The following DACH2 variants were observed in gnomAD, a reference collection of about 807,000 sequenced individuals.
DACH2 encodes dachshund homolog 2.
In DACH2, 17 loss-of-function variants were observed where a neutral mutation model predicts 35.8. The ratio of observed to expected loss-of-function variants is 0.48; its 90% CI spans 0.33 to 0.71. DACH2 has a LOEUF of 0.71. Ranked by LOEUF, DACH2 falls within the 30% of genes least tolerant of loss-of-function variation. The probability of loss-of-function intolerance (pLI) is 0.02; values close to 1 mark genes in which losing one functional copy is unlikely to be tolerated. For synonymous variants in DACH2, 195 were observed against 177.3 expected (o/e 1.10, Z -0.79); for missense variants, 469 against 472.7 (o/e 0.99, Z 0.07).
chrX:86,814,902 A>G (rs2042431026), intron 10 of DACH2, 68 bp downstream of exon 10: 4 of 1,050,042 alleles, frequency 3.8e-6, no homozygotes, highest in Admixed American at 5.6e-5. Context: ...AAAATAGAAG[A>G]AGGAATAAAA....
chrX:86,290,929 C>A (rs2034274855), intron 1 of DACH2, among the ~76,000 whole-genome samples: 1 of 109,539 alleles, frequency 9.1e-6, no homozygotes, highest in Non-Finnish European at 1.9e-5. Context: ...TCCACATGAA[C>A]TTTAAAGTAG....
chrX:86,340,155 A>G (rs1480421412), intron 1 of DACH2, among the ~76,000 whole-genome samples: 2 of 111,489 alleles, frequency 1.8e-5, no homozygotes, highest in African/African-American at 3.3e-5. Context: ...ACCTTGTTTT[A>G]TTGTGCCTTA....
At chrX:86,689,150 A>G (rs2040981592) in intron 4 of DACH2, among the ~76,000 whole-genome samples, 1 of 111,971 alleles carries the variant, frequency 8.9e-6, no homozygotes, top group Non-Finnish European at 1.9e-5. Context: ...ATATTTTAAA[A>G]TGAATAATTA....
At chrX:86,417,609 C>G (rs2036730046) in intron 2 of DACH2, among the ~76,000 whole-genome samples, 1 of 111,272 alleles carries the variant, frequency 9.0e-6, no homozygotes, top group South Asian at 3.8e-4. Context: ...GACCCACCCC[C>G]ATAATTCAGT....
At chrX:86,186,277 G>T (rs975358317) in intron 1 of DACH2, among the ~76,000 whole-genome samples, 1 of 112,509 alleles carries the variant, frequency 8.9e-6, no homozygotes, top group Non-Finnish European at 1.9e-5. Flanking sequence ...GGGTATAAAC[G>T]TTTGCATTTC....
intron 7 of DACH2, among the ~76,000 whole-genome samples, chrX:86,794,633 T>C (rs192734343): frequency 2.7e-5 from 3 of 111,845 alleles, no homozygotes; most frequent in Admixed American, 1.9e-4. Context: ...TTTAAAAAGC[T>C]ACAAGGTATC....
At chrX:86,312,236 T>G (rs1025264655) in intron 1 of DACH2, among the ~76,000 whole-genome samples, 1 of 112,484 alleles carries the variant, frequency 8.9e-6, no homozygotes, top group Non-Finnish European at 1.9e-5. Flanking sequence ...TTTTTTCCTT[T>G]TCCTTTATCA....
At chrX:86,572,298 C>T (rs1253805509) in intron 3 of DACH2, among the ~76,000 whole-genome samples, 3 of 106,233 alleles carry the variant, frequency 2.8e-5, no homozygotes, top group South Asian at 4.4e-4. Flanking sequence ...TATTCTGTTA[C>T]CATTAAAGGA....
intron 4 of DACH2, among the ~76,000 whole-genome samples, chrX:86,686,823 A>G (rs755538640): frequency 1.8e-5 from 2 of 112,011 alleles, no homozygotes; most frequent in East Asian, 5.7e-4. Flanking sequence ...ATCACTTGTG[A>G]TACAATTCCT....
Position 86,358,515 on chromosome X carries a change from G to A in DACH2, c.489-18309G>A, listed in dbSNP as rs2035682020. ...GAGAGCTGGGCAGCAATTATGGAGT[G>A]ATGGCAATGCCCCTACAAGCCCTGC... On this transcript the variant is annotated intron_variant, in intron 1 of 11. Transcript: ENST00000373125. Among the ~76,000 whole-genome samples the A allele has an allele frequency of 4.6e-5, 5 of 107,529 alleles. 1 individual carries two copies. Among genetic ancestry groups the A allele is most frequent in the Middle Eastern group, 4.7e-3 (1 of 212 alleles). The allele number at this position is 107,529 out of a possible 115,157, so 93.4% of individuals were successfully genotyped here. A position where few individuals can be genotyped will look rare whatever the true frequency, so the allele number is the denominator to read the frequency against.
At chrX:86,467,261 C>T (rs920329212) in intron 2 of DACH2, among the ~76,000 whole-genome samples, 1 of 111,331 alleles carries the variant, frequency 9.0e-6, no homozygotes, top group African/African-American at 3.3e-5. Flanking sequence ...TAAATAATCT[C>T]TCTCAAGTTC....
chrX:86,815,296 G>T (rs1209146362), intron 10 of DACH2, among the ~76,000 whole-genome samples: 2 of 111,345 alleles, frequency 1.8e-5, no homozygotes, highest in Non-Finnish European at 3.8e-5. Flanking sequence ...AATCCCTGCA[G>T]ATCCTGTAAA....
intron 1 of DACH2, among the ~76,000 whole-genome samples, chrX:86,253,862 A>G (rs2033450045): frequency 8.9e-6 from 1 of 112,236 alleles, no homozygotes; most frequent in Non-Finnish European, 1.9e-5. Context: ...TATCAGGGCA[A>G]TGATGCCAGA....
intron 6 of DACH2, among the ~76,000 whole-genome samples, chrX:86,720,777 GAC>G (rs2041396737): frequency 8.9e-6 from 1 of 112,646 alleles, no homozygotes. Flanking sequence ...GGGGTCACAT[GAC>G]ACATTTTCCT....
chrX:86,402,896 T>G (rs960733243), intron 2 of DACH2, among the ~76,000 whole-genome samples: 6 of 112,000 alleles, frequency 5.4e-5, no homozygotes, highest in African/African-American at 1.9e-4. Context: ...TACAACCATC[T>G]GATCTTTTTA....
intron 1 of DACH2, among the ~76,000 whole-genome samples, chrX:86,169,149 G>A (rs2031042872): frequency 9.0e-6 from 1 of 111,341 alleles, no homozygotes; most frequent in Non-Finnish European, 1.9e-5. Flanking sequence ...CTTTGTGTTT[G>A]AAGGATATTT....
intron 6 of DACH2, among the ~76,000 whole-genome samples, chrX:86,720,578 G>A (rs1286275188): frequency 1.8e-5 from 2 of 112,368 alleles, no homozygotes; most frequent in South Asian, 7.4e-4. Context: ...GCCTTGGGAA[G>A]CTCTGCCCCT....
chrX:86,277,334 G>T (rs1452375996), intron 1 of DACH2, among the ~76,000 whole-genome samples: 1 of 111,067 alleles, frequency 9.0e-6, no homozygotes, highest in Non-Finnish European at 1.9e-5. Context: ...GTTCACTGTT[G>T]GCATATACTC....
intron 2 of DACH2, among the ~76,000 whole-genome samples, chrX:86,455,509 C>G (rs1254769294): frequency 8.9e-6 from 1 of 112,022 alleles, no homozygotes; most frequent in Admixed American, 9.4e-5. Context: ...CAGAGGGTCC[C>G]AGACCAGTGA....
Sources: gnomAD v4.1 joint callset for allele counts (sites outside exome capture counted in the v4.1 genomes callset) on GRCh38, gnomAD v4.1.1 for gene constraint, MANE v1.5 for transcripts, NCBI Gene and HGNC (gene_info 2026-07-23, HGNC 2026-07-21) for gene names.